The following ROR2 variants were observed in gnomAD, a reference collection of about 807,000 sequenced individuals.
ROR2 encodes the protein tyrosine-protein kinase transmembrane receptor ROR2.
ROR2 carries 33 observed loss-of-function variants against 74.9 expected under a neutral mutation model. The ratio of observed to expected loss-of-function variants is 0.44; its 90% CI spans 0.33 to 0.59. ROR2 has a LOEUF of 0.59. ROR2 is among the 20% of genes least tolerant of loss of function. The pLI is 0.02. For synonymous variants in ROR2, 586 were observed against 558.7 expected (o/e 1.05, Z -0.69); for missense variants, 1,216 against 1,313.8 (o/e 0.93, Z 1.15).
intron 1 of ROR2, among the ~76,000 whole-genome samples, chr9:91,812,764 C>T (rs762571175): frequency 3.2e-4 from 49 of 152,118 alleles, no homozygotes; most frequent in Middle Eastern, 3.2e-3. Context: ...TCAGATAATT[C>T]CCACTTTGGC....
intron 1 of ROR2, among the ~76,000 whole-genome samples, chr9:91,914,796 G>C (rs1161982495): frequency 6.6e-6 from 1 of 152,066 alleles, no homozygotes; most frequent in Non-Finnish European, 1.5e-5. Flanking sequence ...GCCCCTTCCT[G>C]CTCCTGAGCA....
rs199975149 is a variant in ROR2 at position 91,737,448 on chromosome 9, G to A, written c.565C>T (p.Arg189Trp). 28 of 1,613,990 alleles carry A rather than the reference G, an allele frequency of 1.7e-5. 1 individual carries two copies. The highest frequency in any genetic ancestry group is 1.6e-4 in the South Asian group (15 of 91,082). Residue 189 changes from arginine (R) to tryptophan (W), a missense_variant, in exon 5 of 9, where the codon CGG becomes TGG. Arg to Trp is a moderately radical substitution (Grantham distance 101, BLOSUM62 -3). Transcript: ENST00000375708. The stretch of plus-strand genomic sequence containing the variant: ...TGAAGCGAGTCCACATAAATGGTCC[G>A]GTTGCCAATGAAGCGTGCACAGGCA... ...GIACARFIGN[R>W]TIYVDSLQMQ...
At chr9:91,867,754 C>T (rs1359808048) in intron 1 of ROR2, among the ~76,000 whole-genome samples, 2 of 150,824 alleles carry the variant, frequency 1.3e-5, no homozygotes, top group Admixed American at 6.6e-5. Context: ...AACACCACCC[C>T]CGTCCCAGTC....
At chr9:91,795,412 T>C (rs143629945) in intron 1 of ROR2, among the ~76,000 whole-genome samples, 1 of 152,368 alleles carries the variant, frequency 6.6e-6, no homozygotes, top group East Asian at 1.9e-4. Context: ...TTAAGCAGTT[T>C]AAACTACTGT....
At chr9:91,908,340 C>G (rs1449228580) in intron 1 of ROR2, among the ~76,000 whole-genome samples, 1 of 152,238 alleles carries the variant, frequency 6.6e-6, no homozygotes, top group Admixed American at 6.5e-5. Context: ...ATCAGAACAT[C>G]TCCTGACCAT....
At chr9:91,725,658 C>T (rs943692473) in intron 8 of ROR2, among the ~76,000 whole-genome samples, 3 of 152,198 alleles carry the variant, frequency 2.0e-5, no homozygotes, top group Non-Finnish European at 4.4e-5. Context: ...TGTCCATGGG[C>T]CTCTTGACTA....
At chr9:91,948,701 C>T in intron 1 of ROR2, 1 of 985,538 alleles carries the variant, frequency 1.0e-6, no homozygotes, top group Non-Finnish European at 1.2e-6. Context: ...CTGCGACTGT[C>T]CCGATTCTCA....
Position 91,733,521 on chromosome 9 carries a change from C to G in ROR2, c.623-85G>C. 1 of 1,399,958 alleles carries G rather than the reference C, an allele frequency of 7.1e-7. No individual in the cohort carries two copies. The highest frequency in any genetic ancestry group is 9.7e-7 in the Non-Finnish European group (1 of 1,034,682). The allele number at this position is 1,399,958 out of a possible 1,614,324, so 86.7% of individuals were successfully genotyped here. A position where few individuals can be genotyped will look rare whatever the true frequency, so the allele number is the denominator to read the frequency against. Reference sequence around the variant, plus strand: ...CCAGTCCCCACCCCCAGCCTGGCATCCCAGACTGCCCACTCAGCCCCCTGA... The same window carrying G: ...CCAGTCCCCACCCCCAGCCTGGCATGCCAGACTGCCCACTCAGCCCCCTGA... On this transcript the variant is annotated intron_variant, in intron 5 of 8. Transcript: ENST00000375708. This position sits in a 1 kb window ranked among gnomAD's most constrained non-coding sequence, Gnocchi z 5.7.
At chr9:91,730,811 G>T in intron 7 of ROR2, 99 bp downstream of exon 7, 1 of 1,533,086 alleles carries the variant, frequency 6.5e-7, no homozygotes, top group Non-Finnish European at 8.9e-7. Flanking sequence ...GGTCGCCACC[G>T]TACAGAGGCA....
At chr9:91,868,258 A>C (rs1015507764) in intron 1 of ROR2, among the ~76,000 whole-genome samples, 1 of 152,158 alleles carries the variant, frequency 6.6e-6, no homozygotes, top group African/African-American at 2.4e-5. Context: ...GATCAATGGG[A>C]ATAAGGACAG....
chr9:91,772,224 C>T (rs1031908497), intron 2 of ROR2, among the ~76,000 whole-genome samples: 4 of 152,158 alleles, frequency 2.6e-5, no homozygotes, highest in Admixed American at 2.6e-4. Context: ...GATTGGGGCC[C>T]CTACCCTGAG....
chr9:91,734,047 C>T (rs781296781), intron 5 of ROR2, among the ~76,000 whole-genome samples: 2 of 152,156 alleles, frequency 1.3e-5, no homozygotes, highest in East Asian at 1.9e-4. Flanking sequence ...CAGAAAAACC[C>T]GAAGATCCAG....
intron 1 of ROR2, among the ~76,000 whole-genome samples, chr9:91,930,300 A>G (rs1831516446): frequency 6.6e-6 from 1 of 152,214 alleles, no homozygotes; most frequent in South Asian, 2.1e-4. Context: ...ACAAAGACTC[A>G]ACTTTTTAGT....
At chr9:91,742,427 G>C (rs1825284494) in intron 4 of ROR2, among the ~76,000 whole-genome samples, 3 of 152,218 alleles carry the variant, frequency 2.0e-5, no homozygotes, top group Non-Finnish European at 4.4e-5. Context: ...AATAGATGTG[G>C]AAAACACAGA....
chr9:91,844,710 T>G (rs916073307), intron 1 of ROR2, among the ~76,000 whole-genome samples: 1 of 152,156 alleles, frequency 6.6e-6, no homozygotes, highest in African/African-American at 2.4e-5. Context: ...AATAGGTTCG[T>G]GGCTACCAGA....
At chr9:91,811,335 G>A (rs1031920903) in intron 1 of ROR2, among the ~76,000 whole-genome samples, 10 of 152,346 alleles carry the variant, frequency 6.6e-5, no homozygotes, top group South Asian at 4.1e-4. Context: ...TTGTGTGGCC[G>A]GGGGTGCTCA....
At chr9:91,737,101 G>A (rs1825056105) in intron 5 of ROR2, among the ~76,000 whole-genome samples, 1 of 152,254 alleles carries the variant, frequency 6.6e-6, no homozygotes, top group Admixed American at 6.5e-5. Context: ...GCGTTGCAGT[G>A]AGGACAGTGC....
intron 2 of ROR2, among the ~76,000 whole-genome samples, chr9:91,769,743 C>T (rs540201272): frequency 1.1e-4 from 17 of 152,306 alleles, no homozygotes; most frequent in African/African-American, 3.6e-4. Flanking sequence ...GCACCGCTCA[C>T]TCCCGTCCCG....
At chr9:91,858,943 TG>T (rs1362331084) in intron 1 of ROR2, among the ~76,000 whole-genome samples, 1 of 152,116 alleles carries the variant, frequency 6.6e-6, no homozygotes, top group Non-Finnish European at 1.5e-5. Context: ...GCCCACCTCC[TG>T]AACACACACA....
Sources: gnomAD v4.1 joint callset for allele counts (sites outside exome capture counted in the v4.1 genomes callset) on GRCh38, gnomAD v4.1.1 for gene constraint, Gnocchi (gnomAD v3.1) non-coding constraint, MANE v1.5 for transcripts, NCBI Gene and HGNC (gene_info 2026-07-23, HGNC 2026-07-21) for gene names.